The following MRC2 variants were observed in gnomAD, a reference collection of about 807,000 sequenced individuals.
The protein encoded by MRC2 is C-type mannose receptor 2.
Under a neutral mutation model 206.2 loss-of-function variants are expected in MRC2, and 84 were observed. The observed-to-expected ratio is 0.41, with a 90% confidence interval of 0.34 to 0.49. MRC2 has a LOEUF of 0.49. Among genes scored for constraint, MRC2 ranks in the 20% least tolerant of loss-of-function variants. The pLI, the probability that MRC2 is intolerant of heterozygous loss-of-function variation, is 0.31. For synonymous variants in MRC2, 798 were observed against 800.0 expected, an observed-to-expected ratio of 1.00 and a Z score of 0.04; for missense variants, 1,676 against 2,001.5, an observed-to-expected ratio of 0.84 and a Z score of 3.10.
intron 23 of MRC2, 27 bp downstream of exon 23, chr17:62,688,987 C>T: frequency 6.3e-7 from 1 of 1,582,198 alleles, no homozygotes. Context: ...ACCTGGGAAA[C>T]CCCAGTGGGG....
intron 1 of MRC2, among the ~76,000 whole-genome samples, chr17:62,635,800 T>G (rs1598964918): frequency 6.6e-6 from 1 of 152,004 alleles, no homozygotes; most frequent in East Asian, 1.9e-4. Flanking sequence ...TTTTTTTTTT[T>G]TTTCTGAGAC....
intron 1 of MRC2, among the ~76,000 whole-genome samples, chr17:62,628,154 G>A (rs1229966549): frequency 6.6e-6 from 1 of 152,010 alleles, no homozygotes; most frequent in Non-Finnish European, 1.5e-5. Context: ...AGATGTGGCG[G>A]GCGGCGGGGG....
intron 1 of MRC2, among the ~76,000 whole-genome samples, chr17:62,659,813 T>C (rs1368487906): frequency 1.3e-5 from 2 of 152,226 alleles, no homozygotes; most frequent in Non-Finnish European, 2.9e-5. Flanking sequence ...GTGGGTACTA[T>C]GTTTTAGGAA....
intron 1 of MRC2, among the ~76,000 whole-genome samples, chr17:62,647,803 C>G (rs1242123229): frequency 2.0e-5 from 3 of 152,180 alleles, no homozygotes; most frequent in Admixed American, 2.0e-4. Context: ...GGTTGCCCCA[C>G]TGGGGCTGCT....
intron 1 of MRC2, among the ~76,000 whole-genome samples, chr17:62,633,412 G>A (rs535102688): frequency 1.3e-4 from 20 of 151,204 alleles, no homozygotes; most frequent in Middle Eastern, 6.8e-3. Context: ...CTGAGGCAGG[G>A]GAATTGCTTG....
intron 1 of MRC2, among the ~76,000 whole-genome samples, chr17:62,663,463 C>T (rs558578312): frequency 4.6e-5 from 7 of 152,174 alleles, no homozygotes; most frequent in African/African-American, 9.6e-5. Flanking sequence ...AAAGAAGCAC[C>T]GTGCCCTTTA....
intron 1 of MRC2, among the ~76,000 whole-genome samples, chr17:62,643,341 AAAAAAAG>A (rs766438762): frequency 7.0e-6 from 1 of 142,972 alleles, no homozygotes; most frequent in East Asian, 2.0e-4. Context: ...AAAAAAAAAA[AAAAAAAG>A]AAAAAGAAAA....
chr17:62,663,634 G>T (rs943471477), intron 1 of MRC2, among the ~76,000 whole-genome samples: 1 of 152,092 alleles, frequency 6.6e-6, no homozygotes, highest in African/African-American at 2.4e-5. Flanking sequence ...TGCTCAGCGA[G>T]GAGATAGGTG....
rs1482085989 is a variant in MRC2 at position 62,671,068 on chromosome 17, CTGAT to C, written c.1118-572_1118-569del. Among the ~76,000 whole-genome samples, 1 of 152,060 alleles carries C rather than the reference CTGAT, an allele frequency of 6.6e-6. No homozygotes were observed. The highest frequency in any genetic ancestry group is 1.5e-5 in the Non-Finnish European group (1 of 68,002). On this transcript the variant is annotated intron_variant, in intron 6 of 29. Coordinates refer to ENST00000303375, the MANE Select transcript of MRC2 (RefSeq NM_006039.5). The surrounding 1 kb of genome is among the most constrained non-coding windows in gnomAD (Gnocchi z 4.5). ...GTCCTTTCTACCCATCGTTTATTGA[CTGAT>C]TGATTGATGCATTGATTGAGATAAG...
chr17:62,682,365 G>T lies in MRC2; in HGVS notation c.2934G>T (p.Gln978His), dbSNP rs1299098507. ...ALGGCPSDWIQFLNKCFQVQG... is the reference protein window; with the variant it reads ...ALGGCPSDWIHFLNKCFQVQG... ...GGGGCTGCCCCTCTGACTGGATCCA[G>T]TTCCTCAACAAGGTAGGAGGTGGCA... Residue 978 changes from glutamine (Q) to histidine (H), a missense_variant, in exon 20 of 30, where the codon CAG becomes CAT. By Grantham distance (24) the Gln-to-His change is conservative (BLOSUM62 0). Transcript: ENST00000303375. The T allele has an allele frequency of 6.2e-7, 1 of 1,606,616 alleles. No homozygotes were observed. The highest frequency in any genetic ancestry group is 2.2e-5 in the East Asian group (1 of 44,734).
intron 6 of MRC2, among the ~76,000 whole-genome samples, chr17:62,669,494 G>A (rs1280286843): frequency 6.6e-6 from 1 of 151,712 alleles, no homozygotes; most frequent in East Asian, 1.9e-4. Flanking sequence ...GGGATTACAG[G>A]CGTGAGCCAC....
chr17:62,690,677 G>C lies in MRC2; in HGVS notation c.3928G>C (p.Glu1310Gln). 1.2e-6 allele frequency: 2 copies of C among 1,613,162 alleles called. No individual in the cohort carries two copies. Among genetic ancestry groups the C allele is most frequent in the Non-Finnish European group, 8.5e-7 (1 of 1,179,600 alleles). Residue 1310 changes from glutamate (E) to glutamine (Q), a missense_variant, in exon 27 of 30, where the codon GAG becomes CAG. By Grantham distance (29) the Glu-to-Gln change is conservative. Around this residue, in one of 3 missense-constraint regions of MRC2, gnomAD observed 1,354 missense variants for 1,636.6 expected, o/e 0.83. Transcript: ENST00000303375. ...CGTCCTGTCTATCCTGGATGAGATG[G>C]AGAATGTGTTTGTCTGGGAGCACCT... is the stretch of plus-strand genomic sequence containing the variant. ...GAVLSILDEM[E>Q]NVFVWEHLQS...
In MRC2 at chr17:62,680,859, A is replaced by ACGTGGG. The variant is rs1205133830; in HGVS notation, c.2536_2541dup (p.Trp846_Ala847dup). The ACGTGGG allele has an allele frequency of 6.2e-7, 1 of 1,613,114 alleles. No individual in the cohort carries two copies. The highest frequency in any genetic ancestry group is 1.7e-5 in the Admixed American group (1 of 59,998). ...GTACAAGTTCTTTGAGCACCACTCCACGTGGGCGCAGGCGCAGCGCATCTG... is the reference window on the plus strand; with the variant it reads ...GTACAAGTTCTTTGAGCACCACTCCACGTGGGCGTGGGCGCAGGCGCAGCGCATCTG... On this transcript the variant is annotated inframe_insertion, in exon 17 of 30. Coordinates refer to ENST00000303375, the MANE Select transcript of MRC2 (RefSeq NM_006039.5). The surrounding 1 kb of genome is among the most constrained non-coding windows in gnomAD (Gnocchi z 4.8).
chr17:62,644,731 T>G (rs976391283), intron 1 of MRC2, among the ~76,000 whole-genome samples: 3 of 151,986 alleles, frequency 2.0e-5, no homozygotes, highest in African/African-American at 2.4e-5. Context: ...GAAGGTGGTG[T>G]TTTTCAGCAC....
chr17:62,676,348 G>A (rs1351827115), intron 10 of MRC2, 35 bp from the exon 11 acceptor site: 1 of 1,610,608 alleles, frequency 6.2e-7, no homozygotes, highest in South Asian at 1.1e-5. Context: ...TGGGAAGCAG[G>A]GAGATCCCTG....
intron 1 of MRC2, among the ~76,000 whole-genome samples, chr17:62,660,332 A>C (rs1598979832): frequency 6.6e-6 from 1 of 152,232 alleles, no homozygotes; most frequent in Non-Finnish European, 1.5e-5. Context: ...TAGGAAAGCA[A>C]GGAGCCATAG....
intron 1 of MRC2, among the ~76,000 whole-genome samples, chr17:62,646,769 T>C (rs1005245695): frequency 1.2e-4 from 18 of 152,240 alleles, no homozygotes; most frequent in Admixed American, 1.2e-3. Flanking sequence ...TGAGTTCAAG[T>C]CCCGCAGGGT....
At position 62,664,905 on chromosome 17, in the gene MRC2, G is replaced by T; in HGVS notation, c.476G>T (p.Arg159Leu). ...GACCAGACCCGCAGTGGCCAGTGGC[G>T]CATCTACGGCAGCGAGGAGGACCTA... ...RGDQTRSGQW[R>L]IYGSEEDLCA... Residue 159 changes from arginine (R) to leucine (L), a missense_variant, in exon 2 of 30, where the codon CGC becomes CTC. By Grantham distance (102) the Arg-to-Leu change is moderately radical. Coordinates refer to ENST00000303375, the MANE Select transcript of MRC2 (RefSeq NM_006039.5). The surrounding 1 kb of genome is among the most constrained non-coding windows in gnomAD (Gnocchi z 4.7). 2 of 1,612,724 alleles carry T rather than the reference G, an allele frequency of 1.2e-6. No homozygotes were observed. The highest frequency in any genetic ancestry group is 2.2e-5 in the East Asian group (1 of 44,876).
intron 1 of MRC2, among the ~76,000 whole-genome samples, chr17:62,645,164 T>C (rs1352286154): frequency 6.6e-6 from 1 of 152,172 alleles, no homozygotes; most frequent in African/African-American, 2.4e-5. Context: ...ATAATGTTTG[T>C]GTAACAAATG....
Sources: gnomAD v4.1 joint callset for allele counts (sites outside exome capture counted in the v4.1 genomes callset) on GRCh38, gnomAD v4.1.1 for gene constraint, gnomAD v4.1.1 regional missense constraint, Gnocchi (gnomAD v3.1) non-coding constraint, MANE v1.5 for transcripts, NCBI Gene and HGNC (gene_info 2026-07-23, HGNC 2026-07-21) for gene names.